Variants in FAM120C observed in about 807,000 individuals in gnomAD.
The protein encoded by FAM120C is constitutive coactivator of PPAR-gamma-like protein 2.
Under a neutral mutation model 71.2 loss-of-function variants are expected in FAM120C, and 14 were observed. The ratio of observed to expected loss-of-function variants is 0.20; its 90% CI spans 0.13 to 0.31. FAM120C has a LOEUF of 0.31. Among genes scored for constraint, FAM120C ranks in the 10% least tolerant of loss-of-function variants. The probability of loss-of-function intolerance (pLI) is 1.00; values close to 1 mark genes in which losing one functional copy is unlikely to be tolerated. For synonymous variants in FAM120C, 354 were observed against 353.2 expected (o/e 1.00, Z -0.03); for missense variants, 500 against 879.0 (o/e 0.57, Z 5.45).
At chrX:54,129,574 G>A (rs1373065873) in intron 9 of FAM120C, among the ~76,000 whole-genome samples, 7 of 110,196 alleles carry the variant, frequency 6.4e-5, no homozygotes, top group East Asian at 2.9e-4. Flanking sequence ...CATCCCAGAC[G>A]ATGGGCGGCC....
chrX:54,095,046 G>T (rs782502000), intron 10 of FAM120C, among the ~76,000 whole-genome samples: 2 of 110,835 alleles, frequency 1.8e-5, no homozygotes, highest in South Asian at 3.8e-4. Flanking sequence ...CAGCCTGGGC[G>T]ACAGAGCAAG....
chrX:54,105,631 A>G (rs1457973248), intron 10 of FAM120C, among the ~76,000 whole-genome samples: 1 of 112,086 alleles, frequency 8.9e-6, no homozygotes, highest in Non-Finnish European at 1.9e-5. Context: ...CCCTGTTTGC[A>G]GATGACATGA....
Position 54,127,540 on chromosome X carries a change from G to A in FAM120C, c.2062+5152C>T, listed in dbSNP as rs1362634945. Reference sequence around the variant, plus strand: ...CGGGAGGTGGAGCTTGCAGTGAGCCGAGATTGTGCCACTGCATTCCAGCCA... The same window carrying A: ...CGGGAGGTGGAGCTTGCAGTGAGCCAAGATTGTGCCACTGCATTCCAGCCA... On this transcript the variant is annotated intron_variant, in intron 9 of 15. Transcript: ENST00000375180. Among the ~76,000 whole-genome samples, 8 of 97,081 alleles carry A rather than the reference G, an allele frequency of 8.2e-5. No homozygotes were observed. The East Asian group carries it at 9.9e-4, about 12-fold the overall frequency. 84.3% of individuals were successfully genotyped at this position (97,081 alleles called of 115,157 possible). A position where few individuals can be genotyped will look rare whatever the true frequency, so the allele number is the denominator to read the frequency against.
chrX:54,139,329 T>TTTATTTATTTA (rs2067111129), intron 4 of FAM120C, among the ~76,000 whole-genome samples: 3 of 88,975 alleles, frequency 3.4e-5, no homozygotes, highest in South Asian at 6.0e-4. Flanking sequence ...TTTTTTTTGC[T>TTTATTTATTTA]TTTATTTATT....
chrX:54,157,309 C>A (rs1298277203), intron 3 of FAM120C, among the ~76,000 whole-genome samples: 1 of 110,600 alleles, frequency 9.0e-6, no homozygotes, highest in Non-Finnish European at 1.9e-5. Flanking sequence ...GGCTGGAGTG[C>A]AGTGGCACGA....
At chrX:54,155,178 T>C (rs1461094455) in intron 3 of FAM120C, among the ~76,000 whole-genome samples, 1 of 111,442 alleles carries the variant, frequency 9.0e-6, no homozygotes, top group Non-Finnish European at 1.9e-5. Flanking sequence ...CACTCTAGGC[T>C]GGGCAACAGA....
intron 2 of FAM120C, 62 bp downstream of exon 2, chrX:54,159,308 C>T: frequency 2.5e-6 from 3 of 1,178,954 alleles, no homozygotes; most frequent in Non-Finnish European, 3.5e-6. Flanking sequence ...CTCTAGTCCT[C>T]ATCTCTTAAC....
intron 4 of FAM120C, among the ~76,000 whole-genome samples, chrX:54,150,951 G>C (rs2146628205): frequency 9.1e-6 from 1 of 110,462 alleles, no homozygotes; most frequent in South Asian, 3.9e-4. Context: ...CTGACCTCAA[G>C]TGATCCACCC....
At chrX:54,129,771 T>G (rs1231230505) in intron 9 of FAM120C, among the ~76,000 whole-genome samples, 4 of 111,512 alleles carry the variant, frequency 3.6e-5, no homozygotes, top group East Asian at 5.7e-4. Context: ...CAATCCCGGC[T>G]CCTCGGGAGG....
chrX:54,093,938 A>T (rs1226701572), intron 10 of FAM120C, among the ~76,000 whole-genome samples: 1 of 111,391 alleles, frequency 9.0e-6, no homozygotes, highest in Non-Finnish European at 1.9e-5. Context: ...GCAGCAAACT[A>T]TAAGTTATAC....
At chrX:54,134,802 C>T (rs781888535) in intron 7 of FAM120C, 29 bp downstream of exon 7, 1 of 1,173,024 alleles carries the variant, frequency 8.5e-7, no homozygotes, top group Admixed American at 2.5e-5. Context: ...CAGAAATCTA[C>T]TTCCTTAGGT....
intron 4 of FAM120C, among the ~76,000 whole-genome samples, chrX:54,144,121 TGCTAAAAACTCTCAATAAGCTA>T: frequency 8.9e-6 from 1 of 111,850 alleles, no homozygotes; most frequent in South Asian, 3.7e-4. Flanking sequence ...CAGCCCTTCA[TGCTAAAAACTCTCAATAAGCTA>T]GGTATTCATG....
intron 1 of FAM120C, among the ~76,000 whole-genome samples, chrX:54,163,881 ATGT>A (rs1158827150): frequency 1.1e-5 from 1 of 87,316 alleles, no homozygotes; most frequent in Non-Finnish European, 2.0e-5. Context: ...CCTCCTTTTT[ATGT>A]TGTGTGTGTG....
rs1163575665 is a variant in FAM120C at position 54,117,264 on chromosome X, T to C, written c.2063-470A>G. 2.8e-5 allele frequency among the ~76,000 whole-genome samples: 3 copies of C among 106,079 alleles called. No homozygotes were observed. The Admixed American group carries it at 3.2e-4, about 11-fold the overall frequency. 92.1% of individuals were successfully genotyped at this position (106,079 alleles called of 115,157 possible). On this transcript the variant is annotated intron_variant, in intron 9 of 15. Coordinates refer to ENST00000375180, the MANE Select transcript of FAM120C (RefSeq NM_017848.6). ...GCGACTTGGAAGGCTGAGGCAGGAG[T>C]ATCCCTTGAGCCCAGGAGTTTGAGG...
chrX:54,179,823 T>C (rs1047638760), intron 1 of FAM120C, among the ~76,000 whole-genome samples: 3 of 112,031 alleles, frequency 2.7e-5, no homozygotes, highest in Non-Finnish European at 5.6e-5. Flanking sequence ...AGAGTTTGTT[T>C]ATAATCTAGC....
rs1557121881 is a variant in FAM120C at position 54,085,725 on chromosome X, C to T, written c.2829G>A (p.Arg943=). Residue 943 remains arginine, a synonymous_variant, in exon 13 of 16, where the codon CGG becomes CGA. Transcript: ENST00000375180. ...TTCTTTGGTACTGACCTGCAAATCC[C>T]CGGCTCCTCCCTTGAGGGGGAAGTG... ...SMPLPPQGRS[R]GFAGLHPIPP... 3 of 1,210,722 alleles carry T rather than the reference C, an allele frequency of 2.5e-6. No individual in the cohort carries two copies. The highest frequency in any genetic ancestry group is 4.4e-5 in the Admixed American group (2 of 45,967).
intron 2 of FAM120C, 70 bp downstream of exon 2, chrX:54,159,300 C>A (rs1366247950): frequency 3.4e-5 from 39 of 1,151,377 alleles, no homozygotes; most frequent in Non-Finnish European, 4.0e-5. Context: ...CTAAATCACT[C>A]TAGTCCTCAT....
intron 2 of FAM120C, among the ~76,000 whole-genome samples, chrX:54,158,327 C>A (rs1277846288): frequency 1.8e-5 from 2 of 112,342 alleles, no homozygotes; most frequent in Non-Finnish European, 3.8e-5. Context: ...TGTGCTGACT[C>A]CACTATATTA....
chrX:54,144,703 A>G (rs1218034123), intron 4 of FAM120C, among the ~76,000 whole-genome samples: 2 of 112,503 alleles, frequency 1.8e-5, no homozygotes, highest in South Asian at 3.7e-4. Flanking sequence ...ATGCTCATGG[A>G]TAGGAAGAAT....
Sources: allele counts gnomAD v4.1 joint callset (sites outside exome capture counted in the v4.1 genomes callset), GRCh38; gene constraint gnomAD v4.1.1; transcripts MANE v1.5; gene names NCBI Gene and HGNC (gene_info 2026-07-23, HGNC 2026-07-21).